The following SPTY2D1 variants were observed in gnomAD, a reference collection of about 807,000 sequenced individuals.
SPTY2D1 encodes the protein protein SPT2 homolog.
A neutral mutation model predicts 64.0 loss-of-function variants in SPTY2D1; 21 were observed. The observed-to-expected ratio is 0.33, with a 90% confidence interval of 0.23 to 0.47. The LOEUF (loss-of-function observed/expected upper bound fraction) is 0.47. Ranked by LOEUF, SPTY2D1 falls within the 20% of genes least tolerant of loss-of-function variation. SPTY2D1 has a pLI of 1.00. For missense variants in SPTY2D1, 724 were observed against 837.2 expected, an observed-to-expected ratio of 0.86 and a Z score of 1.67; for synonymous variants, 287 against 286.8, an observed-to-expected ratio of 1.00 and a Z score of -0.01.
intron 1 of SPTY2D1, among the ~76,000 whole-genome samples, chr11:18,617,625 C>CAAAA (rs71050616): frequency 3.8e-4 from 25 of 66,356 alleles, no homozygotes; most frequent in East Asian, 8.7e-4. Flanking sequence ...GACTCCGTCT[C>CAAAA]AAAAAAAAAA....
At chr11:18,610,079 C>T in intron 5 of SPTY2D1, 125 bp from the exon 6 acceptor site, 2 of 748,440 alleles carry the variant, frequency 2.7e-6, no homozygotes, top group Non-Finnish European at 4.2e-6. Context: ...TGCCTCAAGG[C>T]TTTACCACTG....
At chr11:18,630,519 G>C (rs889857397) in intron 1 of SPTY2D1, among the ~76,000 whole-genome samples, 2 of 152,164 alleles carry the variant, frequency 1.3e-5, no homozygotes, top group Non-Finnish European at 2.9e-5. Context: ...GGCTGAAGTG[G>C]CTGTACAGGT....
intron 1 of SPTY2D1, 93 bp downstream of exon 1, chr11:18,634,105 C>T (rs1193886867): frequency 7.1e-7 from 1 of 1,413,196 alleles, no homozygotes; most frequent in Non-Finnish European, 1.0e-6. Context: ...CTCCCGGAGC[C>T]GATAGGCGGC....
chr11:18,625,406 C>T (rs1432556172), intron 1 of SPTY2D1, among the ~76,000 whole-genome samples: 1 of 152,136 alleles, frequency 6.6e-6, no homozygotes, highest in East Asian at 1.9e-4. Context: ...AGATAGGTGT[C>T]TCATGGAGTC....
chr11:18,621,371 A>T (rs1187032442), intron 1 of SPTY2D1, among the ~76,000 whole-genome samples: 2 of 146,006 alleles, frequency 1.4e-5, no homozygotes, highest in Non-Finnish European at 3.0e-5. Context: ...AAAAGAAAAG[A>T]AAAGAAACAC....
rs982263467 is a variant in SPTY2D1, at chr11:18,609,294, T to C, written c.*567A>G. The C allele has an allele frequency of 2.0e-5, 3 of 153,052 alleles. No individual in the cohort carries two copies. Among genetic ancestry groups the C allele is most frequent in the South Asian group, 4.1e-4 (2 of 4,842 alleles). 9.5% of individuals were successfully genotyped at this position (153,052 alleles called of 1,614,324 possible). ...ATCCAATCCATGAATACAGAATTTA[T>C]TCTACTTTGTACTTCAAAGTCACAG... On this transcript the variant is annotated 3_prime_UTR_variant, in exon 6 of 6. Coordinates refer to ENST00000336349, the MANE Select transcript of SPTY2D1 (RefSeq NM_194285.3).
chr11:18,616,866 G>T lies in SPTY2D1; in HGVS notation c.175+9C>A. The T allele has an allele frequency of 6.2e-7, 1 of 1,612,242 alleles. No individual in the cohort carries two copies. Among genetic ancestry groups the T allele is most frequent in the Non-Finnish European group, 8.5e-7 (1 of 1,178,504 alleles). On this transcript the variant is annotated intron_variant, in intron 2 of 5. Coordinates refer to ENST00000336349, the MANE Select transcript of SPTY2D1 (RefSeq NM_194285.3). ...CTTTAAAATTGAGAATAAGGCTATA[G>T]ATACATACCTTTTCGTCTCAGCTCC...
chr11:18,632,810 A>G (rs1854609712), intron 1 of SPTY2D1, among the ~76,000 whole-genome samples: 1 of 152,226 alleles, frequency 6.6e-6, no homozygotes, highest in Non-Finnish European at 1.5e-5. Context: ...ATAAGAAATG[A>G]CTTAGTTCTG....
chr11:18,615,846 T>C lies in SPTY2D1; in HGVS notation c.428A>G (p.Tyr143Cys), dbSNP rs944188873. Residue 143 changes from tyrosine (Y) to cysteine (C), a missense_variant, in exon 3 of 6, where the codon TAT becomes TGT. Around this residue, in one of 3 missense-constraint regions of SPTY2D1, gnomAD observed 179 missense variants for 232.5 expected, o/e 0.77. Coordinates refer to ENST00000336349, the MANE Select transcript of SPTY2D1 (RefSeq NM_194285.3). ...TTTGGGAGGTTCTTGCTCTTCCTCATACTCCTGCTCTGACTCTGCGTGATT... is the reference window on the plus strand; with the variant it reads ...TTTGGGAGGTTCTTGCTCTTCCTCACACTCCTGCTCTGACTCTGCGTGATT... Reference protein sequence around the residue: ...EYNHAESEQEYEEEQEPPKVE... With the variant: ...EYNHAESEQECEEEQEPPKVE... 12 of 1,614,010 alleles carry C rather than the reference T, an allele frequency of 7.4e-6. No homozygotes were observed. The highest frequency in any genetic ancestry group is 2.7e-5 in the African/African-American group (2 of 74,902).
rs2134111051 is a variant in SPTY2D1 at position 18,615,670 on chromosome 11, G to C, written c.604C>G (p.Leu202Val). ...SEERPMTAEE[L>V]REREFLERKH... ...CGTTCAAGGAATTCTCGCTCCCTAAGTTCTTCTGCGGTCATAGGTCGCTCT... is the reference window on the plus strand; with the variant it reads ...CGTTCAAGGAATTCTCGCTCCCTAACTTCTTCTGCGGTCATAGGTCGCTCT... The change falls in exon 3 of 6, where the codon CTT becomes GTT. Residue 202 changes from leucine (L) to valine (V), a missense_variant. Around this residue, in one of 3 missense-constraint regions of SPTY2D1, gnomAD observed 426 missense variants for 431.8 expected, o/e 0.99. Coordinates refer to ENST00000336349, the MANE Select transcript of SPTY2D1 (RefSeq NM_194285.3). 6.2e-7 allele frequency: 1 copy of C among 1,614,176 alleles called. No homozygotes were observed. Among genetic ancestry groups the C allele is most frequent in the East Asian group, 2.2e-5 (1 of 44,882 alleles).
intron 1 of SPTY2D1, among the ~76,000 whole-genome samples, chr11:18,628,759 A>G (rs552687546): frequency 2.6e-5 from 4 of 152,328 alleles, no homozygotes; most frequent in African/African-American, 9.6e-5. Flanking sequence ...ATCCAGTTAC[A>G]ATCCATTATA....
In SPTY2D1 at chr11:18,615,184, T is replaced by C. The variant is rs758490430; in HGVS notation, c.1090A>G (p.Lys364Glu). 6.2e-7 allele frequency: 1 copy of C among 1,614,232 alleles called. No homozygotes were observed. Among genetic ancestry groups the C allele is most frequent in the South Asian group, 1.1e-5 (1 of 91,090 alleles). ...CCTGGCTGCCTGACACCTGGACTCT[T>C]AGCCTTATTGTGTGGGGTGACCATG... ...GPMVTPHNKA[K>E]SPGVRQPGSS... The change falls in exon 3 of 6, where the codon AAG becomes GAG. Residue 364 changes from lysine (K) to glutamate (E), a missense_variant. This residue lies in a region of SPTY2D1 where 426 missense variants were observed against 431.8 expected (regional missense o/e 0.99). Coordinates refer to ENST00000336349, the MANE Select transcript of SPTY2D1 (RefSeq NM_194285.3).
rs770583673 is a variant in SPTY2D1, at chr11:18,634,183, C to T, written c.60+15G>A. On this transcript the variant is annotated intron_variant, in intron 1 of 5. Transcript: ENST00000336349. ...GACTAGGGTCCCCTACATTGATGCC[C>T]CAGCTGCTACTTACCGGCACATTGT... is the stretch of plus-strand genomic sequence containing the variant. 6.2e-7 allele frequency: 1 copy of T among 1,614,168 alleles called. No homozygotes were observed. Among genetic ancestry groups the T allele is most frequent in the South Asian group, 1.1e-5 (1 of 91,084 alleles).
chr11:18,610,679 A>C lies in SPTY2D1; in HGVS notation c.1965-725T>G, dbSNP rs573876837. ...AGACCCTGTCTCTTAAAAAAAAAAAAAAAAAAAAACAACAATACTATAAAC... is the reference window on the plus strand; with the variant it reads ...AGACCCTGTCTCTTAAAAAAAAAAACAAAAAAAAACAACAATACTATAAAC... On this transcript the variant is annotated intron_variant, in intron 5 of 5. Transcript: ENST00000336349. 7.8e-3 allele frequency among the ~76,000 whole-genome samples: 1,179 copies of C among 150,912 alleles called. 12 individuals carry two copies. The highest frequency in any genetic ancestry group is 0.065 in the Middle Eastern group (19 of 292).
Sources: gnomAD v4.1 joint callset for allele counts (sites outside exome capture counted in the v4.1 genomes callset) on GRCh38, gnomAD v4.1.1 for gene constraint, gnomAD v4.1.1 regional missense constraint, MANE v1.5 for transcripts, NCBI Gene and HGNC (gene_info 2026-07-23, HGNC 2026-07-21) for gene names.